The following UCHL1 variants were observed in gnomAD, a reference collection of about 807,000 sequenced individuals.
UCHL1 encodes ubiquitin carboxyl-terminal hydrolase isozyme L1.
In UCHL1, 5 loss-of-function variants were observed where a neutral mutation model predicts 33.3. The ratio of observed to expected loss-of-function variants is 0.15; its 90% CI spans 0.08 to 0.32. UCHL1 has a LOEUF of 0.32. Among genes scored for constraint, UCHL1 ranks in the 10% least tolerant of loss-of-function variants. UCHL1 has a pLI of 1.00. For missense variants in UCHL1, 236 were observed against 280.0 expected (o/e 0.84, Z 1.12); for synonymous variants, 132 against 108.8 (o/e 1.21, Z -1.33).
At chr4:41,267,088 G>T (rs1781165662) in intron 8 of UCHL1, among the ~76,000 whole-genome samples, 2 of 152,156 alleles carry the variant, frequency 1.3e-5, no homozygotes, top group Admixed American at 1.3e-4. Context: ...TATCCTAGAA[G>T]TTGGTAAATA....
At position 41,257,131 on chromosome 4, in the gene UCHL1, G is replaced by C; in HGVS notation, c.45+5G>C. On this transcript the variant is annotated splice_donor_5th_base_variant and intron_variant, in intron 2 of 8. Transcript: ENST00000284440. Reference sequence around the variant, plus strand: ...GCCTTTCAGATGCTGAACAAAGTGAGTGGCGTCTCGCGCCGTCTCTGGCCC... The same window carrying C: ...GCCTTTCAGATGCTGAACAAAGTGACTGGCGTCTCGCGCCGTCTCTGGCCC... The C allele has an allele frequency of 6.2e-7, 1 of 1,612,792 alleles. No homozygotes were observed. The highest frequency in any genetic ancestry group is 8.5e-7 in the Non-Finnish European group (1 of 1,179,892).
intron 3 of UCHL1, among the ~76,000 whole-genome samples, chr4:41,258,131 C>T (rs893378369): frequency 6.6e-6 from 1 of 152,164 alleles, no homozygotes; most frequent in Non-Finnish European, 1.5e-5. Context: ...TTCTCAGACT[C>T]CCACCTAGCT....
intron 8 of UCHL1, among the ~76,000 whole-genome samples, chr4:41,267,605 TTC>T (rs1418399268): frequency 6.6e-6 from 1 of 152,198 alleles, no homozygotes; most frequent in Non-Finnish European, 1.5e-5. Flanking sequence ...TTCCAGGAAT[TTC>T]TGAGTTACAA....
intron 2 of UCHL1, 89 bp downstream of exon 2, chr4:41,257,215 AAGCCGCCCGCTGCG>A: frequency 1.3e-6 from 2 of 1,599,296 alleles, no homozygotes; most frequent in South Asian, 1.1e-5. Context: ...GGCAGGGACC[AAGCCGCCCGCTGCG>A]AGCACCGGAG....
chr4:41,267,845 A>T, intron 8 of UCHL1, 142 bp from the exon 9 acceptor site: 1 of 770,384 alleles, frequency 1.3e-6, no homozygotes, highest in Non-Finnish European at 2.2e-6. Context: ...TTTTTGCTTT[A>T]AGCCCTGGTT....
intron 3 of UCHL1, 93 bp from the exon 4 acceptor site, chr4:41,260,554 C>G (rs530825770): frequency 6.8e-7 from 1 of 1,472,952 alleles, no homozygotes; most frequent in Non-Finnish European, 9.3e-7. Context: ...ACACATCCCA[C>G]TGGTGTTTCC....
intron 3 of UCHL1, among the ~76,000 whole-genome samples, chr4:41,258,893 C>T (rs964233936): frequency 2.6e-5 from 4 of 152,226 alleles, no homozygotes; most frequent in African/African-American, 9.6e-5. Flanking sequence ...GTCGAATTAG[C>T]TTCCTGGTTG....
intron 3 of UCHL1, among the ~76,000 whole-genome samples, chr4:41,258,007 ATCAT>A (rs1449467579): frequency 1.3e-5 from 2 of 152,340 alleles, no homozygotes; most frequent in African/African-American, 2.4e-5. Flanking sequence ...ATCCAGGGAA[ATCAT>A]TCATCCTACT....
intron 6 of UCHL1, among the ~76,000 whole-genome samples, chr4:41,262,220 G>T (rs1172722834): frequency 6.6e-6 from 1 of 152,168 alleles, no homozygotes; most frequent in Non-Finnish European, 1.5e-5. Flanking sequence ...CCAACAATTT[G>T]GGAGGCCGAG....
chr4:41,268,317 C>G lies in UCHL1; in HGVS notation c.*244C>G. 1 of 569,286 alleles carries G rather than the reference C, an allele frequency of 1.8e-6. No individual in the cohort carries two copies. The highest frequency in any genetic ancestry group is 3.1e-6 in the Non-Finnish European group (1 of 319,270). The allele number at this position is 569,286 out of a possible 1,614,324, so 35.3% of individuals were successfully genotyped here. ...ATTCTCCCCAGTGTATGTCTTGTAT[C>G]CGATATCTAACGCTTTAAATGGCTA... On this transcript the variant is annotated 3_prime_UTR_variant, in exon 9 of 9. Transcript: ENST00000284440.
intron 6 of UCHL1, among the ~76,000 whole-genome samples, chr4:41,262,204 G>A (rs1351941354): frequency 2.6e-5 from 4 of 152,194 alleles, no homozygotes. Flanking sequence ...GCTCATGCCT[G>A]TAATCCCAAC....
At chr4:41,260,186 T>C (rs1292901546) in intron 3 of UCHL1, among the ~76,000 whole-genome samples, 4 of 152,232 alleles carry the variant, frequency 2.6e-5, no homozygotes, top group Middle Eastern at 3.2e-3. Flanking sequence ...TTAAGCCGAG[T>C]AGAAGTAGAA....
At chr4:41,265,903 T>G (rs1182955751) in intron 8 of UCHL1, among the ~76,000 whole-genome samples, 1 of 152,168 alleles carries the variant, frequency 6.6e-6, no homozygotes, top group Non-Finnish European at 1.5e-5. Flanking sequence ...TTGGTGAGAA[T>G]AAGAAAACAG....
rs571414556 is a variant in UCHL1, at chr4:41,261,599, A to AG, written c.326-114dup. ...AGGTACAGCTCATCCACAACCCTGG[A>AG]GGCAGTATTAAAGATTCAGGTTGCT... is the stretch of plus-strand genomic sequence containing the variant. On this transcript the variant is annotated intron_variant, in intron 4 of 8. Coordinates refer to ENST00000284440, the MANE Select transcript of UCHL1 (RefSeq NM_004181.5). The AG allele has an allele frequency of 3.4e-3, 3,631 of 1,082,694 alleles. 12 individuals are homozygous for AG. Among genetic ancestry groups the AG allele is most frequent in the Non-Finnish European group, 4.5e-3 (3,232 of 724,630 alleles). The allele number at this position is 1,082,694 out of a possible 1,614,324, so 67.1% of individuals were successfully genotyped here. A position where few individuals can be genotyped will look rare whatever the true frequency, so the allele number is the denominator to read the frequency against.
chr4:41,265,985 C>T (rs1423534847), intron 8 of UCHL1, among the ~76,000 whole-genome samples: 1 of 151,814 alleles, frequency 6.6e-6, no homozygotes, highest in Non-Finnish European at 1.5e-5. Flanking sequence ...TTTTAAGGTA[C>T]ATGCTAACTC....
In UCHL1 at chr4:41,261,914, C is replaced by T. The variant is rs749021086; in HGVS notation, c.450C>T (p.Gly150=). Residue 150 remains glycine, a synonymous_variant, in exon 6 of 9, where the codon GGC becomes GGT. Transcript: ENST00000284440. Reference sequence around the variant, plus strand: ...CCCATGATGCCGTGGCACAGGAAGGCCAATGTCGGGTAAATGCAAATACAA... The same window carrying T: ...CCCATGATGCCGTGGCACAGGAAGGTCAATGTCGGGTAAATGCAAATACAA... ...QAAHDAVAQE[G]QCRVDDKVNF... 6.2e-7 allele frequency: 1 copy of T among 1,614,116 alleles called. No homozygotes were observed. Among genetic ancestry groups the T allele is most frequent in the South Asian group, 1.1e-5 (1 of 91,078 alleles).
intron 8 of UCHL1, 42 bp from the exon 9 acceptor site, chr4:41,267,945 A>G: frequency 6.4e-7 from 1 of 1,568,264 alleles, no homozygotes; most frequent in Non-Finnish European, 8.7e-7. Context: ...TTTCATTTTG[A>G]GCTCTTGCTG....
At position 41,268,050 on chromosome 4, in the gene UCHL1, G is replaced by T; in HGVS notation, c.649G>T (p.Val217Leu). 1 of 1,613,420 alleles carries T rather than the reference G, an allele frequency of 6.2e-7. No individual in the cohort carries two copies. Among genetic ancestry groups the T allele is most frequent in the Non-Finnish European group, 8.5e-7 (1 of 1,179,764 alleles). The change falls in exon 9 of 9, where the codon GTG becomes TTG. Residue 217 changes from valine (V) to leucine (L), a missense_variant. Transcript: ENST00000284440. ...REQGEVRFSA[V>L]ALCKAA is the part of the protein sequence containing the mutation. ...GCAAGGAGAAGTCCGCTTCTCTGCC[G>T]TGGCTCTCTGCAAGGCAGCCTAATG... is the stretch of plus-strand genomic sequence containing the variant.
intron 6 of UCHL1, among the ~76,000 whole-genome samples, chr4:41,262,163 T>A (rs1022332726): frequency 9.9e-5 from 15 of 152,226 alleles, no homozygotes; most frequent in African/African-American, 3.4e-4. Flanking sequence ...TTTGTTTAGA[T>A]CCAAATGAGT....
Sources: gnomAD v4.1 joint callset for allele counts (sites outside exome capture counted in the v4.1 genomes callset) on GRCh38, gnomAD v4.1.1 for gene constraint, MANE v1.5 for transcripts, NCBI Gene and HGNC (gene_info 2026-07-23, HGNC 2026-07-21) for gene names.